Variants in TIAM1 observed in about 807,000 individuals in gnomAD.
The protein encoded by TIAM1 is TIAM Rac1 associated GEF 1.
In TIAM1, 65 loss-of-function variants were observed where a neutral mutation model predicts 163.5. That is an observed-to-expected ratio of 0.40 (90% CI 0.33 to 0.49). The LOEUF is 0.49. TIAM1 is among the 20% of genes least tolerant of loss of function. The probability of loss-of-function intolerance (pLI) is 0.77; values close to 1 mark genes in which losing one functional copy is unlikely to be tolerated. For missense variants in TIAM1, 1,789 were observed against 2,044.7 expected (o/e 0.87, Z 2.41); for synonymous variants, 833 against 810.1 (o/e 1.03, Z -0.48).
At position 31,152,548 on chromosome 21, in the gene TIAM1, C is replaced by T. The variant is rs1272612757; in HGVS notation, c.3366+88G>A. ...CCCTTAGGAACAGACCCCACTGTGG[C>T]CCTCCAATGAAGACATCAACACGAT... is the stretch of plus-strand genomic sequence containing the variant. On this transcript the variant is annotated intron_variant, in intron 19 of 27. Coordinates refer to ENST00000541036, the MANE Select transcript of TIAM1 (RefSeq NM_001353694.2). 6 of 1,548,488 alleles carry T rather than the reference C, an allele frequency of 3.9e-6. No homozygotes were observed. In the African/African-American group the frequency reaches 4.1e-5, roughly 11 times the overall value.
Position 31,452,557 on chromosome 21 carries a change from C to T in TIAM1, c.-369+11426G>A, listed in dbSNP as rs964474327. The T allele has an allele frequency of 1.2e-5, 7 of 601,808 alleles. No individual in the cohort carries two copies. In the East Asian group the frequency reaches 1.4e-4, roughly 12 times the overall value. 37.3% of individuals were successfully genotyped at this position (601,808 alleles called of 1,614,324 possible). ...TGGGGTGTTCTCCGAGGGACACCTT[C>T]GTCACACAAACTCTGTACTTCCTGG... On this transcript the variant is annotated intron_variant, in intron 2 of 28. Transcript: ENST00000286827.
intron 15 of TIAM1, among the ~76,000 whole-genome samples, chr21:31,171,638 A>T (rs1243702662): frequency 6.6e-6 from 1 of 152,224 alleles, no homozygotes; most frequent in Non-Finnish European, 1.5e-5. Context: ...TTTGTAGCAG[A>T]TCATTTGCAA....
intron 1 of TIAM1, among the ~76,000 whole-genome samples, chr21:31,508,944 C>A (rs1410269525): frequency 6.6e-6 from 1 of 152,122 alleles, no homozygotes; most frequent in Non-Finnish European, 1.5e-5. Context: ...GGCTGTGCTA[C>A]GAACTCACCT....
At chr21:31,265,677 G>C (rs1399544251) in intron 4 of TIAM1, among the ~76,000 whole-genome samples, 1 of 152,238 alleles carries the variant, frequency 6.6e-6, no homozygotes, top group Non-Finnish European at 1.5e-5. Context: ...GAAGGACCAA[G>C]TTAGAAAGGA....
At chr21:31,295,537 G>T (rs1278017021) in intron 2 of TIAM1, among the ~76,000 whole-genome samples, 1 of 151,680 alleles carries the variant, frequency 6.6e-6, no homozygotes, top group East Asian at 1.9e-4. Context: ...ATGAGATGGG[G>T]ACCCCAAAAA....
At chr21:31,452,999 G>T in intron 2 of TIAM1, 1 of 490,058 alleles carries the variant, frequency 2.0e-6, no homozygotes, top group South Asian at 1.6e-5. Flanking sequence ...AAAACAGAAC[G>T]GTCAAAGTGG....
At chr21:31,296,867 G>C (rs2074291223) in intron 2 of TIAM1, among the ~76,000 whole-genome samples, 1 of 152,174 alleles carries the variant, frequency 6.6e-6, no homozygotes, top group African/African-American at 2.4e-5. Context: ...GTTTCATCGT[G>C]TTAGCCAGGA....
At chr21:31,557,949 G>C (rs1453872501) in intron 1 of TIAM1, among the ~76,000 whole-genome samples, 1 of 152,078 alleles carries the variant, frequency 6.6e-6, no homozygotes, top group Non-Finnish European at 1.5e-5. Context: ...TGCGCGGCGG[G>C]GGCTGGGCGC....
chr21:31,446,003 C>T (rs776549088), intron 2 of TIAM1, among the ~76,000 whole-genome samples: 1 of 152,032 alleles, frequency 6.6e-6, no homozygotes, highest in Non-Finnish European at 1.5e-5. Flanking sequence ...TGCAGTGGCA[C>T]GATCTCAGCT....
At chr21:31,347,600 T>A (rs1016352794), upstream of TIAM1, among the ~76,000 whole-genome samples, 2 of 152,238 alleles carry the variant, frequency 1.3e-5, no homozygotes, top group Non-Finnish European at 2.9e-5. Context: ...ACAGTATTTC[T>A]GCTCCAAAGA....
At chr21:31,379,573 A>G (rs938347666) in intron 2 of TIAM1, among the ~76,000 whole-genome samples, 16 of 152,204 alleles carry the variant, frequency 1.1e-4, no homozygotes, top group Non-Finnish European at 1.8e-4. Flanking sequence ...AAGCTTGTAC[A>G]CAAGTTTCGT....
chr21:31,295,143 C>T (rs1352202608), intron 2 of TIAM1, among the ~76,000 whole-genome samples: 1 of 152,148 alleles, frequency 6.6e-6, no homozygotes, highest in African/African-American at 2.4e-5. Context: ...TTCCACACAG[C>T]ATGGTAGGAC....
chr21:31,337,515 G>GTTATTATTATTATTA (rs1469371170), intron 2 of TIAM1, among the ~76,000 whole-genome samples: 1 of 99,318 alleles, frequency 1.0e-5, no homozygotes, highest in Non-Finnish European at 2.0e-5. Flanking sequence ...TATTATTATT[G>GTTATTATTATTATTA]TTGTTATTAT....
chr21:31,556,887 C>T (rs188466833), intron 1 of TIAM1, among the ~76,000 whole-genome samples: 83 of 152,334 alleles, frequency 5.4e-4, no homozygotes, highest in Non-Finnish European at 7.3e-5. Flanking sequence ...TACAAAAAAG[C>T]ATATGCTGGA....
intron 2 of TIAM1, among the ~76,000 whole-genome samples, chr21:31,317,404 G>C (rs1390684279): frequency 6.6e-6 from 1 of 152,136 alleles, no homozygotes; most frequent in African/African-American, 2.4e-5. Flanking sequence ...GGTGAGCCAA[G>C]ATCGCGCCAT....
intron 12 of TIAM1, among the ~76,000 whole-genome samples, chr21:31,199,598 T>G (rs1441703158): frequency 6.6e-6 from 1 of 151,604 alleles, no homozygotes; most frequent in Admixed American, 6.6e-5. Context: ...TGGCACGATA[T>G]TGGCTCCCTG....
chr21:31,172,210 T>C (rs1471914881), intron 15 of TIAM1, among the ~76,000 whole-genome samples: 1 of 151,786 alleles, frequency 6.6e-6, no homozygotes, highest in Non-Finnish European at 1.5e-5. Context: ...GGAATTCAAG[T>C]GGGAAAGGGC....
chr21:31,297,015 C>T (rs1230662918), intron 2 of TIAM1, among the ~76,000 whole-genome samples: 2 of 152,190 alleles, frequency 1.3e-5, no homozygotes. Flanking sequence ...GACATCCCTT[C>T]TCCTAAACTC....
intron 2 of TIAM1, among the ~76,000 whole-genome samples, chr21:31,402,436 A>C (rs1034068124): frequency 4.6e-5 from 7 of 152,102 alleles, no homozygotes; most frequent in African/African-American, 1.7e-4. Context: ...AAAAATTGAC[A>C]CTATGGGGGC....
Sources: allele counts gnomAD v4.1 joint callset (sites outside exome capture counted in the v4.1 genomes callset), GRCh38; gene constraint gnomAD v4.1.1; transcripts MANE v1.5; gene names NCBI Gene and HGNC (gene_info 2026-07-23, HGNC 2026-07-21).